RGS12: variants seen among roughly 807,000 people sequenced by gnomAD.
The protein encoded by RGS12 is regulator of G protein signaling 12.
A neutral mutation model predicts 120.1 loss-of-function variants in RGS12; 66 were observed. The ratio of observed to expected loss-of-function variants is 0.55; its 90% CI spans 0.45 to 0.67. The LOEUF is 0.67. RGS12 is among the 30% of genes least tolerant of loss of function. The pLI, the probability that RGS12 is intolerant of heterozygous loss-of-function variation, is 0.00. For missense variants in RGS12, 1,859 were observed against 1,957.7 expected, an observed-to-expected ratio of 0.95 and a Z score of 0.95; for synonymous variants, 827 against 804.7, an observed-to-expected ratio of 1.03 and a Z score of -0.47.
intron 9 of RGS12, 177 bp from the exon 10 acceptor site, chr4:3,420,461 GGTTA>G: frequency 3.0e-6 from 2 of 665,266 alleles, no homozygotes; most frequent in South Asian, 3.3e-5. Context: ...TGGCTTCCAG[GGTTA>G]GGAAGACACA....
At chr4:3,311,910 G>A (rs779924262) in intron 1 of RGS12, among the ~76,000 whole-genome samples, 16 of 152,188 alleles carry the variant, frequency 1.1e-4, no homozygotes, top group Non-Finnish European at 2.4e-4. Context: ...GGGGACCTTC[G>A]TGTCACATCC....
At chr4:3,322,922 A>G (rs918846306) in intron 2 of RGS12, among the ~76,000 whole-genome samples, 3 of 152,192 alleles carry the variant, frequency 2.0e-5, no homozygotes, top group Non-Finnish European at 2.9e-5. Context: ...GTTCCTTCTC[A>G]ACTGTTGCTT....
chr4:3,334,817 C>T (rs1340474018), intron 2 of RGS12, among the ~76,000 whole-genome samples: 3 of 152,176 alleles, frequency 2.0e-5, no homozygotes, highest in East Asian at 3.9e-4. Flanking sequence ...ATTGTTCTGA[C>T]AGCTCAAGAA....
rs965059962 is a variant in RGS12, at chr4:3,365,619, A to T, written c.1999-20797A>T. Reference sequence around the variant, plus strand: ...AATGTTGGCTTCTTCCTGGCCTCCCACTCACCTCTGGGACGACGTGCCGCA... The same window carrying T: ...AATGTTGGCTTCTTCCTGGCCTCCCTCTCACCTCTGGGACGACGTGCCGCA... On this transcript the variant is annotated intron_variant, in intron 3 of 17. Coordinates refer to ENST00000336727, the MANE Select transcript of RGS12 (RefSeq NM_001394154.1). This position sits in a 1 kb window ranked among gnomAD's most constrained non-coding sequence, Gnocchi z 4.0. Among the ~76,000 whole-genome samples, 1 of 151,912 alleles carries T rather than the reference A, an allele frequency of 6.6e-6. No individual in the cohort carries two copies. The highest frequency in any genetic ancestry group is 1.5e-5 in the Non-Finnish European group (1 of 67,998).
intron 3 of RGS12, among the ~76,000 whole-genome samples, chr4:3,359,492 A>G: frequency 7.8e-6 from 1 of 127,720 alleles, no homozygotes; most frequent in Non-Finnish European, 1.6e-5. Context: ...TAGCTCTTCA[A>G]ATGTTTGGTA....
At chr4:3,419,242 A>G (rs1722736677) in intron 9 of RGS12, 1 of 152,064 alleles carries the variant, frequency 6.6e-6, no homozygotes, top group Non-Finnish European at 1.5e-5. Flanking sequence ...GAGACAGGAG[A>G]ATTAGTTGAA....
At chr4:3,434,441 C>G (rs1216845628) in intron 17 of RGS12, among the ~76,000 whole-genome samples, 2 of 152,062 alleles carry the variant, frequency 1.3e-5, no homozygotes, top group African/African-American at 2.4e-5. Flanking sequence ...GGTGTGTGTT[C>G]GTGTGGCATG....
intron 4 of RGS12, among the ~76,000 whole-genome samples, chr4:3,395,440 A>G (rs1719959093): frequency 6.6e-6 from 1 of 152,148 alleles, no homozygotes; most frequent in African/African-American, 2.4e-5. Flanking sequence ...ATGCTTGTAC[A>G]GGTCTTTTGG....
At position 3,369,447 on chromosome 4, in the gene RGS12, C is replaced by T. The variant is rs544549868; in HGVS notation, c.1999-16969C>T. Among the ~76,000 whole-genome samples the T allele has an allele frequency of 1.1e-4, 17 of 152,334 alleles. No individual in the cohort carries two copies. In the South Asian group the frequency reaches 2.9e-3, roughly 26 times the overall value. On this transcript the variant is annotated intron_variant, in intron 3 of 17. Transcript: ENST00000336727. ...CAGACCCCAGAGCCATGGACCTAGC[C>T]TGGTGGCCCTGTGGGCATTGAGTTT...
chr4:3,328,966 C>G (rs1250503844), intron 2 of RGS12, among the ~76,000 whole-genome samples: 5 of 152,168 alleles, frequency 3.3e-5, no homozygotes, highest in African/African-American at 7.2e-5. Context: ...TAACCATGTC[C>G]AGTCTGGATG....
At chr4:3,383,780 C>T (rs1459121323) in intron 3 of RGS12, among the ~76,000 whole-genome samples, 1 of 152,220 alleles carries the variant, frequency 6.6e-6, no homozygotes, top group Non-Finnish European at 1.5e-5. Flanking sequence ...GCAGCCTGTG[C>T]CCATCACAGG....
intron 2 of RGS12, among the ~76,000 whole-genome samples, chr4:3,332,325 A>T (rs1711951535): frequency 1.3e-5 from 2 of 152,170 alleles, no homozygotes; most frequent in Admixed American, 1.3e-4. Flanking sequence ...TTAATAACAC[A>T]GTTGTCTGCA....
chr4:3,301,061 C>T (rs183034494), intron 1 of RGS12, among the ~76,000 whole-genome samples: 145 of 151,580 alleles, frequency 9.6e-4, no homozygotes, highest in Non-Finnish European at 1.0e-3. Flanking sequence ...GGTCTGTCCC[C>T]GGCTGCCCTC....
rs1372536650 is a variant in RGS12, at chr4:3,365,093, G to A, written c.1999-21323G>A. The stretch of plus-strand genomic sequence containing the variant: ...GGTGACGGCGGTTTGCAGGTTCCCC[G>A]GGAGCTGTTGGAGCCAGGAGCCTGG... On this transcript the variant is annotated intron_variant, in intron 3 of 17. Transcript: ENST00000336727. This position sits in a 1 kb window ranked among gnomAD's most constrained non-coding sequence, Gnocchi z 4.0. Among the ~76,000 whole-genome samples the A allele has an allele frequency of 6.6e-6, 1 of 152,090 alleles. No individual in the cohort carries two copies. Among genetic ancestry groups the A allele is most frequent in the East Asian group, 1.9e-4 (1 of 5,176 alleles).
At chr4:3,407,232 C>T (rs1022285606) in intron 4 of RGS12, 4 of 152,334 alleles carry the variant, frequency 2.6e-5, no homozygotes, top group Middle Eastern at 3.4e-3. Context: ...ATTCAGGCTC[C>T]GTGGCGGCAG....
At chr4:3,292,011 C>A (rs955488826), upstream of RGS12, among the ~76,000 whole-genome samples, 11 of 152,112 alleles carry the variant, frequency 7.2e-5, no homozygotes, top group African/African-American at 2.7e-4. Context: ...GGAGGGGAAG[C>A]GTTTTGAGCC....
chr4:3,368,107 T>TGTTCCCAGGGTCTGGGGGCC (rs150787315), intron 3 of RGS12, among the ~76,000 whole-genome samples: 1 of 152,226 alleles, frequency 6.6e-6, no homozygotes, highest in Non-Finnish European at 1.5e-5. Context: ...CGCTGGTGGC[T>TGTTCCCAGGGTCTGGGGGCC]GTTCCCAGGG....
At chr4:3,398,412 C>T (rs144508120) in intron 4 of RGS12, among the ~76,000 whole-genome samples, 11 of 152,266 alleles carry the variant, frequency 7.2e-5, no homozygotes, top group African/African-American at 2.2e-4. Flanking sequence ...GCAGGAGGCT[C>T]ACTTGAGGCC....
rs1723126433 is a variant in RGS12 at position 3,422,522 on chromosome 4, T to C, written c.2985T>C (p.His995=). The change falls in exon 11 of 18, where the codon CAT becomes CAC. Residue 995 remains histidine (H), a synonymous_variant. Transcript: ENST00000336727. ...TCCTGTCCGGACTCTGTGAGCGGCA[T>C]GGCATCAACGGGGCGGCCGCGGACC... ...KDILSGLCER[H]GINGAAADLF... is the part of the protein sequence containing the mutation. 5 of 1,612,728 alleles carry C rather than the reference T, an allele frequency of 3.1e-6. No homozygotes were observed. The highest frequency in any genetic ancestry group is 1.7e-5 in the Admixed American group (1 of 60,008).
Sources: gnomAD v4.1 joint callset for allele counts (sites outside exome capture counted in the v4.1 genomes callset) on GRCh38, gnomAD v4.1.1 for gene constraint, Gnocchi (gnomAD v3.1) non-coding constraint, MANE v1.5 for transcripts, NCBI Gene and HGNC (gene_info 2026-07-23, HGNC 2026-07-21) for gene names.